The following XPNPEP3 variants were observed in gnomAD, a reference collection of about 807,000 sequenced individuals.
The protein encoded by XPNPEP3 is xaa-Pro aminopeptidase 3.
XPNPEP3 carries 41 observed loss-of-function variants against 60.0 expected under a neutral mutation model. That is an observed-to-expected ratio of 0.68 (90% CI 0.53 to 0.89). The LOEUF (loss-of-function observed/expected upper bound fraction) is 0.89, where lower values mean the gene tolerates loss of function less well. Among genes scored for constraint, XPNPEP3 ranks in the 40% least tolerant of loss-of-function variants. The pLI is 0.00. For missense variants in XPNPEP3, 598 were observed against 638.9 expected, an observed-to-expected ratio of 0.94 and a Z score of 0.69; for synonymous variants, 212 against 223.2, an observed-to-expected ratio of 0.95 and a Z score of 0.45.
intron 6 of XPNPEP3, among the ~76,000 whole-genome samples, chr22:40,911,584 A>G (rs113221054): frequency 6.6e-6 from 1 of 150,796 alleles, no homozygotes; most frequent in Admixed American, 6.6e-5. Flanking sequence ...TTGTCACCCA[A>G]ACTGGAGTGC....
intron 4 of XPNPEP3, among the ~76,000 whole-genome samples, 166 bp downstream of exon 4, chr22:40,886,681 G>T (rs2058070194): frequency 6.6e-6 from 1 of 151,788 alleles, no homozygotes; most frequent in African/African-American, 2.4e-5. Context: ...TAAAAAATTA[G>T]CCGGGCATGG....
chr22:40,914,185 A>C, intron 6 of XPNPEP3, 54 bp from the exon 7 acceptor site: 2 of 1,491,322 alleles, frequency 1.3e-6, no homozygotes, highest in Non-Finnish European at 1.9e-6. Flanking sequence ...GGATTACTAG[A>C]AACAACTTAT....
chr22:40,861,684 C>T lies in XPNPEP3; in HGVS notation c.64+4439C>T. 2.5e-6 allele frequency: 4 copies of T among 1,614,074 alleles called. 1 individual carries two copies. The South Asian group carries it at 3.3e-5, about 13-fold the overall frequency. On this transcript the variant is annotated intron_variant, in intron 1 of 9. Coordinates refer to ENST00000357137, the MANE Select transcript of XPNPEP3 (RefSeq NM_022098.4). ...AAAGAAGTGAAAAGAAAATGGATCC[C>T]TTTCATGAAAAATTTCTTTAAAAAC... is the stretch of plus-strand genomic sequence containing the variant.
intron 1 of XPNPEP3, chr22:40,862,539 A>G: frequency 1.0e-6 from 1 of 985,554 alleles, no homozygotes; most frequent in Non-Finnish European, 1.2e-6. Context: ...ACAAACAAGT[A>G]ACTTAGTTAC....
intron 1 of XPNPEP3, among the ~76,000 whole-genome samples, chr22:40,863,486 A>T (rs1488030194): frequency 6.6e-6 from 1 of 152,166 alleles, no homozygotes; most frequent in East Asian, 1.9e-4. Context: ...ACTGTAGTGT[A>T]TGCTTCTAGT....
At chr22:40,893,697 AC>A (rs1360061323) in intron 4 of XPNPEP3, among the ~76,000 whole-genome samples, 1 of 151,114 alleles carries the variant, frequency 6.6e-6, no homozygotes, top group Non-Finnish European at 1.5e-5. Flanking sequence ...GCTCACCACA[AC>A]CTCCACCTCC....
intron 1 of XPNPEP3, among the ~76,000 whole-genome samples, chr22:40,858,916 T>C (rs2057923816): frequency 6.6e-6 from 1 of 152,212 alleles, no homozygotes; most frequent in Non-Finnish European, 1.5e-5. Flanking sequence ...TTTTGGGGAA[T>C]GCTGCCTTTC....
chr22:40,875,424 T>G (rs1366982156), intron 2 of XPNPEP3, among the ~76,000 whole-genome samples: 1 of 152,176 alleles, frequency 6.6e-6, no homozygotes, highest in Non-Finnish European at 1.5e-5. Flanking sequence ...TCATAGTGAT[T>G]AAATGTTTCC....
intron 3 of XPNPEP3, 117 bp downstream of exon 3, chr22:40,882,294 C>A: frequency 8.9e-7 from 1 of 1,129,128 alleles, no homozygotes; most frequent in Non-Finnish European, 1.3e-6. Context: ...AGACCATGAG[C>A]ACCATGAAAG....
At chr22:40,872,002 C>T (rs1165553889) in intron 2 of XPNPEP3, among the ~76,000 whole-genome samples, 1 of 152,142 alleles carries the variant, frequency 6.6e-6, no homozygotes, top group Non-Finnish European at 1.5e-5. Context: ...CATTGCACTC[C>T]AGCTTGGGCA....
At chr22:40,921,721 A>G (rs1676775982) in intron 7 of XPNPEP3, among the ~76,000 whole-genome samples, 1 of 152,138 alleles carries the variant, frequency 6.6e-6, no homozygotes, top group Admixed American at 6.6e-5. Flanking sequence ...TTAGAGTAGA[A>G]TTATAAGCTC....
At chr22:40,891,874 A>G (rs893282409) in intron 4 of XPNPEP3, among the ~76,000 whole-genome samples, 8 of 152,184 alleles carry the variant, frequency 5.3e-5, no homozygotes, top group East Asian at 1.9e-4. Flanking sequence ...TAGAATTTCC[A>G]TAGACCAGAG....
intron 4 of XPNPEP3, among the ~76,000 whole-genome samples, chr22:40,904,933 T>C (rs2058148793): frequency 6.6e-6 from 1 of 151,854 alleles, no homozygotes; most frequent in Non-Finnish European, 1.5e-5. Context: ...CCCAGCAAAT[T>C]TTTTGTATTT....
At position 40,932,002 on chromosome 22, in the gene XPNPEP3, A is replaced by G. The variant is rs948064256; in HGVS notation, c.*5567A>G. On this transcript the variant is annotated 3_prime_UTR_variant, in exon 10 of 10. Transcript: ENST00000357137. ...TATGTCTTTCCAAATATCCACACCC[A>G]CACCCTGTTCAGCTTTGTTAATAAT... 6.6e-6 allele frequency: 1 copy of G among 152,196 alleles called. No individual in the cohort carries two copies. Among genetic ancestry groups the G allele is most frequent in the South Asian group, 2.1e-4 (1 of 4,834 alleles). 9.4% of individuals were successfully genotyped at this position (152,196 alleles called of 1,614,324 possible).
chr22:40,879,703 C>T (rs932714042), intron 2 of XPNPEP3, among the ~76,000 whole-genome samples: 7 of 151,958 alleles, frequency 4.6e-5, no homozygotes, highest in Admixed American at 2.0e-4. Context: ...TTAGCCAGGC[C>T]GTGTGGTACA....
At chr22:40,872,229 A>G (rs1025929065) in intron 2 of XPNPEP3, among the ~76,000 whole-genome samples, 1 of 152,180 alleles carries the variant, frequency 6.6e-6, no homozygotes, top group African/African-American at 2.4e-5. Flanking sequence ...TTTTACGGCT[A>G]GGTTCTAGTG....
At position 40,926,673 on chromosome 22, in the gene XPNPEP3, A is replaced by G. The variant is rs954969919; in HGVS notation, c.*238A>G. ...CTGCAGCTTTGGTAACATTAATTCT[A>G]TAGAATTAATGATCAGAGCAAGTTT... is the stretch of plus-strand genomic sequence containing the variant. On this transcript the variant is annotated 3_prime_UTR_variant, in exon 10 of 10. Coordinates refer to ENST00000357137, the MANE Select transcript of XPNPEP3 (RefSeq NM_022098.4). 16 of 551,918 alleles carry G rather than the reference A, an allele frequency of 2.9e-5. No individual in the cohort carries two copies. Among genetic ancestry groups the G allele is most frequent in the African/African-American group, 2.7e-4 (14 of 52,790 alleles). The allele number at this position is 551,918 out of a possible 1,614,324, so 34.2% of individuals were successfully genotyped here. A position where few individuals can be genotyped will look rare whatever the true frequency, so the allele number is the denominator to read the frequency against.
At chr22:40,923,986 G>A (rs578173943) in intron 8 of XPNPEP3, among the ~76,000 whole-genome samples, 1 of 152,280 alleles carries the variant, frequency 6.6e-6, no homozygotes, top group South Asian at 2.1e-4. Flanking sequence ...AAAGAGAACT[G>A]TGATAATAGT....
intron 7 of XPNPEP3, among the ~76,000 whole-genome samples, chr22:40,916,202 A>C (rs1181328739): frequency 6.6e-6 from 1 of 151,836 alleles, no homozygotes; most frequent in African/African-American, 2.4e-5. Flanking sequence ...TGAGGCAGGA[A>C]TATCGCTTGA....
Sources: allele counts gnomAD v4.1 joint callset (sites outside exome capture counted in the v4.1 genomes callset), GRCh38; gene constraint gnomAD v4.1.1; transcripts MANE v1.5; gene names NCBI Gene and HGNC (gene_info 2026-07-23, HGNC 2026-07-21).